PARVG: variants seen among roughly 807,000 people sequenced by gnomAD.
PARVG encodes parvin gamma.
Under a neutral mutation model 44.4 loss-of-function variants are expected in PARVG, and 36 were observed. That is an observed-to-expected ratio of 0.81 (90% CI 0.62 to 1.07). The LOEUF (loss-of-function observed/expected upper bound fraction) is 1.07, where lower values mean the gene tolerates loss of function less well. PARVG is among the 50% of genes least tolerant of loss of function. The pLI is 0.00. For missense variants in PARVG, 407 were observed against 407.4 expected, an observed-to-expected ratio of 1.00 and a Z score of 0.01; for synonymous variants, 170 against 174.1, an observed-to-expected ratio of 0.98 and a Z score of 0.19.
chr22:44,183,528 AC>A (rs1436752799), intron 3 of PARVG, 120 bp downstream of exon 3: 6 of 904,600 alleles, frequency 6.6e-6, no homozygotes, highest in Non-Finnish European at 9.6e-6. Context: ...AATTCTGCTC[AC>A]CCCTGCCTCC....
intron 9 of PARVG, 135 bp downstream of exon 9, chr22:44,193,958 C>T (rs2054584595): frequency 8.6e-7 from 1 of 1,160,240 alleles, no homozygotes; most frequent in Non-Finnish European, 1.2e-6. Context: ...AAGCCTCATT[C>T]TTATTCATTT....
At position 44,206,341 on chromosome 22, in the gene PARVG, G is replaced by A. The variant is rs2054780947; in HGVS notation, c.911G>A (p.Ser304Asn). The A allele has an allele frequency of 3.1e-6, 5 of 1,613,730 alleles. No individual in the cohort carries two copies. Among genetic ancestry groups the A allele is most frequent in the African/African-American group, 1.3e-5 (1 of 74,896 alleles). The change falls in exon 14 of 14, where the codon AGC becomes AAC. Residue 304 changes from serine (S) to asparagine (N), a missense_variant. Coordinates refer to ENST00000444313, the MANE Select transcript of PARVG (RefSeq NM_022141.7). Reference protein sequence around the residue: ...PEDIVNKDAKSTLRVLYGLFC... With the variant: ...PEDIVNKDAKNTLRVLYGLFC... ...GATATCGTGAACAAGGATGCCAAGA[G>A]CACACTGAGGGTGCTCTATGGTCTG... is the stretch of plus-strand genomic sequence containing the variant.
chr22:44,192,197 G>A, intron 8 of PARVG, 93 bp downstream of exon 8: 1 of 1,411,940 alleles, frequency 7.1e-7, no homozygotes, highest in Non-Finnish European at 9.8e-7. Flanking sequence ...CCTGACCTTT[G>A]TGGGAAGGGC....
intron 1 of PARVG, among the ~76,000 whole-genome samples, chr22:44,175,417 C>G (rs1431694462): frequency 6.6e-6 from 1 of 152,230 alleles, no homozygotes; most frequent in Non-Finnish European, 1.5e-5. Flanking sequence ...GCAGGAATCC[C>G]CGGCCACCGC....
At chr22:44,190,716 G>A in intron 7 of PARVG, 50 bp downstream of exon 7, 1 of 1,485,006 alleles carries the variant, frequency 6.7e-7, no homozygotes, top group Non-Finnish European at 9.4e-7. Context: ...AGCCTCTTGG[G>A]CCCCCATTGC....
chr22:44,202,807 A>G (rs2054727363), intron 12 of PARVG, among the ~76,000 whole-genome samples: 1 of 152,158 alleles, frequency 6.6e-6, no homozygotes, highest in Non-Finnish European at 1.5e-5. Context: ...TGTTTATGTG[A>G]GATAGTTATT....
At chr22:44,185,666 T>A in intron 3 of PARVG, 142 bp from the exon 4 acceptor site, 2 of 635,264 alleles carry the variant, frequency 3.1e-6, no homozygotes, top group Admixed American at 5.1e-5. Context: ...GTGAGGGAAA[T>A]GAGGGAAAGC....
At chr22:44,188,374 C>G (rs1392607247) in intron 5 of PARVG, 1 of 183,878 alleles carries the variant, frequency 5.4e-6, no homozygotes, top group Admixed American at 5.4e-5. Context: ...GTGTTCCCCA[C>G]AAGCCCCAGA....
intron 4 of PARVG, chr22:44,186,178 G>C: frequency 3.2e-6 from 1 of 312,502 alleles, no homozygotes; most frequent in South Asian, 2.9e-5. Flanking sequence ...GGCTTAGACA[G>C]GTGACCTCAT....
intron 11 of PARVG, among the ~76,000 whole-genome samples, chr22:44,197,761 G>A (rs2054638134): frequency 6.6e-6 from 1 of 152,204 alleles, no homozygotes; most frequent in South Asian, 2.1e-4. Flanking sequence ...TGATACATGA[G>A]CTGGTGAGCC....
intron 4 of PARVG, chr22:44,186,094 A>G: frequency 2.5e-6 from 1 of 394,110 alleles, no homozygotes; most frequent in Admixed American, 3.6e-5. Context: ...CTTCACATAC[A>G]CCATCCCAGC....
chr22:44,191,388 ATTTTTTTTTTTTTTTT>A (rs35954868), intron 7 of PARVG, among the ~76,000 whole-genome samples: 2 of 63,470 alleles, frequency 3.2e-5, no homozygotes, highest in East Asian at 1.2e-3. Context: ...AGTCATTTCT[ATTTTTTTTTTTTTTTT>A]TTTTTTTTTT....
intron 7 of PARVG, among the ~76,000 whole-genome samples, chr22:44,191,690 C>A (rs957886878): frequency 3.3e-5 from 5 of 152,164 alleles, no homozygotes; most frequent in African/African-American, 9.7e-5. Flanking sequence ...TGAGCCACCA[C>A]ACCCGGCTTT....
intron 10 of PARVG, 57 bp downstream of exon 10, chr22:44,196,270 A>T: frequency 6.2e-7 from 1 of 1,612,114 alleles, no homozygotes; most frequent in South Asian, 1.1e-5. Context: ...CCCACTGCCC[A>T]CCTGCGCTGT....
At chr22:44,174,455 C>T (rs2054299670) in intron 1 of PARVG, among the ~76,000 whole-genome samples, 1 of 152,084 alleles carries the variant, frequency 6.6e-6, no homozygotes, top group African/African-American at 2.4e-5. Context: ...GCCTGTAATC[C>T]CAGCACTTTG....
intron 6 of PARVG, 50 bp downstream of exon 6, chr22:44,189,304 G>T: frequency 6.3e-7 from 1 of 1,597,818 alleles, no homozygotes; most frequent in Non-Finnish European, 8.5e-7. Flanking sequence ...GGCCGCTGGG[G>T]TCCTTCTGCT....
chr22:44,174,256 A>T lies in PARVG; in HGVS notation c.-189+1065A>T, dbSNP rs188795554. 6.6e-5 allele frequency among the ~76,000 whole-genome samples: 10 copies of T among 152,018 alleles called. No individual in the cohort carries two copies. The East Asian group carries it at 1.9e-3, about 29-fold the overall frequency. Reference sequence around the variant, plus strand: ...CAGAAAGGAAGGGTGCAGGTGGGGCAGGGGGGTGGTTACCTGTCTGGAGAG... The same window carrying T: ...CAGAAAGGAAGGGTGCAGGTGGGGCTGGGGGGTGGTTACCTGTCTGGAGAG... On this transcript the variant is annotated intron_variant, in intron 1 of 13. Transcript: ENST00000422871.
At position 44,208,289 on chromosome 22, in the gene PARVG, A is replaced by C. The variant is rs138724898; in HGVS notation, c.*1863A>C. The C allele has an allele frequency of 1.2e-4, 19 of 152,388 alleles. No individual in the cohort carries two copies. The highest frequency in any genetic ancestry group is 4.6e-4 in the African/African-American group (19 of 41,594). The allele number at this position is 152,388 out of a possible 1,614,324, so 9.4% of individuals were successfully genotyped here. A position where few individuals can be genotyped will look rare whatever the true frequency, so the allele number is the denominator to read the frequency against. ...TTGATGAGTTTTGACAAATGCATGC[A>C]GTCATATAACCACCACCATCGTTAT... On this transcript the variant is annotated 3_prime_UTR_variant, in exon 14 of 14. Coordinates refer to ENST00000444313, the MANE Select transcript of PARVG (RefSeq NM_022141.7).
rs545216922 is a variant in PARVG, at chr22:44,196,359, T to G, written c.655T>G (p.Phe219Val). Residue 219 changes from phenylalanine (F) to valine (V), a missense_variant, in exon 11 of 14, where the codon TTT becomes GTT. Coordinates refer to ENST00000444313, the MANE Select transcript of PARVG (RefSeq NM_022141.7). ...CTTCCCTGGTTAGGCCATCGTGAAC[T>G]TTGTCAACCAGAAGCTGGACCGCCT... ...VNAVKEAIVN[F>V]VNQKLDRLGL... 1 of 1,614,186 alleles carries G rather than the reference T, an allele frequency of 6.2e-7. No individual in the cohort carries two copies. The highest frequency in any genetic ancestry group is 1.3e-5 in the African/African-American group (1 of 75,064).
Sources: allele counts gnomAD v4.1 joint callset (sites outside exome capture counted in the v4.1 genomes callset), GRCh38; gene constraint gnomAD v4.1.1; transcripts MANE v1.5; gene names NCBI Gene and HGNC (gene_info 2026-07-23, HGNC 2026-07-21).